Variants in UNC5D observed in about 807,000 individuals in gnomAD.
The protein encoded by UNC5D is unc-5 netrin receptor D.
UNC5D carries 39 observed loss-of-function variants against 105.4 expected under a neutral mutation model. The ratio of observed to expected loss-of-function variants is 0.37; its 90% confidence interval spans 0.29 to 0.48. The LOEUF (loss-of-function observed/expected upper bound fraction) is 0.48, where lower values mean the gene tolerates loss of function less well. Among genes scored for constraint, UNC5D ranks in the 20% least tolerant of loss-of-function variants. UNC5D has a pLI of 0.98. For synonymous variants in UNC5D, 452 were observed against 450.4 expected (o/e 1.00, Z -0.04); for missense variants, 991 against 1,202.4 (o/e 0.82, Z 2.60).
intron 2 of UNC5D, among the ~76,000 whole-genome samples, chr8:35,558,680 A>G (rs185723358): frequency 6.6e-6 from 1 of 152,102 alleles, no homozygotes; most frequent in Non-Finnish European, 1.5e-5. Context: ...ACTCTTGAAT[A>G]TAAGAGAATA....
At chr8:35,249,393 A>G (rs939876400) in intron 1 of UNC5D, among the ~76,000 whole-genome samples, 3 of 149,596 alleles carry the variant, frequency 2.0e-5, no homozygotes, top group African/African-American at 7.3e-5. Flanking sequence ...CCCCATCTCT[A>G]CTGAAAATAC....
intron 1 of UNC5D, among the ~76,000 whole-genome samples, chr8:35,289,041 T>C (rs1806835332): frequency 6.6e-6 from 1 of 152,072 alleles, no homozygotes; most frequent in South Asian, 2.1e-4. Flanking sequence ...TGTAAATTCT[T>C]CAATGAAATG....
chr8:35,494,572 A>G (rs760960378), intron 1 of UNC5D, among the ~76,000 whole-genome samples: 1 of 152,204 alleles, frequency 6.6e-6, no homozygotes, highest in Admixed American at 6.5e-5. Context: ...AATTACAAAT[A>G]GTGACCATGA....
At chr8:35,271,759 G>A (rs56114779) in intron 1 of UNC5D, among the ~76,000 whole-genome samples, 2 of 113,392 alleles carry the variant, frequency 1.8e-5, no homozygotes, top group South Asian at 2.7e-4. Context: ...ATGTATACAT[G>A]TATACATATA....
At chr8:35,672,398 C>G (rs1824870262) in intron 4 of UNC5D, among the ~76,000 whole-genome samples, 1 of 152,158 alleles carries the variant, frequency 6.6e-6, no homozygotes, top group Non-Finnish European at 1.5e-5. Flanking sequence ...TTAGAGAGGT[C>G]TGCCCAGCCA....
intron 11 of UNC5D, among the ~76,000 whole-genome samples, chr8:35,732,667 G>A (rs1829256106): frequency 6.6e-6 from 1 of 152,080 alleles, no homozygotes; most frequent in Non-Finnish European, 1.5e-5. Flanking sequence ...CAAGTATGAG[G>A]TATAATCCAG....
At chr8:35,785,743 C>A (rs538248785) in intron 16 of UNC5D, among the ~76,000 whole-genome samples, 13 of 152,252 alleles carry the variant, frequency 8.5e-5, no homozygotes, top group African/African-American at 2.9e-4. Flanking sequence ...AAAGAATAGA[C>A]TCAGAGGCAC....
chr8:35,242,807 A>G (rs1802880805), intron 1 of UNC5D, among the ~76,000 whole-genome samples: 1 of 152,202 alleles, frequency 6.6e-6, no homozygotes, highest in African/African-American at 2.4e-5. Context: ...TATTTACTCA[A>G]TATTGGAGAA....
chr8:35,336,054 C>T (rs1284120325), intron 1 of UNC5D, among the ~76,000 whole-genome samples: 4 of 151,976 alleles, frequency 2.6e-5, no homozygotes, highest in African/African-American at 9.7e-5. Flanking sequence ...TGAACCACCG[C>T]GCCCGGCCGA....
In UNC5D at chr8:35,484,404, A is replaced by T. The variant is rs72634929; in HGVS notation, c.104-64888A>T. 8.1e-3 allele frequency among the ~76,000 whole-genome samples: 1,226 copies of T among 152,224 alleles called. 7 individuals carry two copies. The highest frequency in any genetic ancestry group is 0.034 in the Middle Eastern group (10 of 294). The stretch of plus-strand genomic sequence containing the variant: ...GCTCACCCCACACCAATCTATCAGC[A>T]TGTCTTATTATCCTCTAATATATCC... On this transcript the variant is annotated intron_variant, in intron 1 of 16. Coordinates refer to ENST00000404895, the MANE Select transcript of UNC5D (RefSeq NM_080872.4).
intron 1 of UNC5D, among the ~76,000 whole-genome samples, chr8:35,533,358 C>T (rs12544954): frequency 0.13 from 19,083 of 151,536 alleles, 1,471 homozygotes; most frequent in East Asian, 0.26. Flanking sequence ...TTAGGCTGCT[C>T]GGGGGTCAGG....
chr8:35,777,212 T>C (rs1409489385), intron 16 of UNC5D, among the ~76,000 whole-genome samples: 3 of 152,026 alleles, frequency 2.0e-5, no homozygotes, highest in African/African-American at 7.2e-5. Flanking sequence ...CGAGATCGCA[T>C]CACTGCGCTC....
At chr8:35,711,283 G>A (rs1164642586) in intron 8 of UNC5D, among the ~76,000 whole-genome samples, 2 of 150,876 alleles carry the variant, frequency 1.3e-5, no homozygotes. Context: ...GGGTTCAAGC[G>A]ATTCTCCTGC....
intron 14 of UNC5D, among the ~76,000 whole-genome samples, chr8:35,765,655 T>C (rs1801731999): frequency 6.6e-6 from 1 of 152,154 alleles, no homozygotes; most frequent in Non-Finnish European, 1.5e-5. Flanking sequence ...AAGCAAGGTA[T>C]CCAAACAAGT....
At chr8:35,357,936 T>TG (rs1486616573) in intron 1 of UNC5D, among the ~76,000 whole-genome samples, 1 of 151,954 alleles carries the variant, frequency 6.6e-6, no homozygotes, top group African/African-American at 2.4e-5. Flanking sequence ...TTCTTGGTAG[T>TG]GAAAAAAAAG....
intron 9 of UNC5D, among the ~76,000 whole-genome samples, chr8:35,724,810 G>C (rs1266303129): frequency 6.6e-6 from 1 of 152,098 alleles, no homozygotes; most frequent in Non-Finnish European, 1.5e-5. Flanking sequence ...ATGGGTTTTG[G>C]TCCTGCTTCT....
At chr8:35,260,387 G>A (rs1804401067) in intron 1 of UNC5D, among the ~76,000 whole-genome samples, 1 of 152,174 alleles carries the variant, frequency 6.6e-6, no homozygotes, top group Admixed American at 6.5e-5. Flanking sequence ...GCTCAATTCC[G>A]AGGTGGATGG....
At chr8:35,731,761 C>T (rs865944012) in intron 11 of UNC5D, among the ~76,000 whole-genome samples, 4 of 152,126 alleles carry the variant, frequency 2.6e-5, no homozygotes, top group South Asian at 2.1e-4. Context: ...CAAATACATA[C>T]GATGATTGAT....
Position 35,793,003 on chromosome 8 carries a change from C to T in UNC5D, c.*2440C>T. 2.2e-6 allele frequency: 1 copy of T among 454,580 alleles called. No homozygotes were observed. Among genetic ancestry groups the T allele is most frequent in the Non-Finnish European group, 4.4e-6 (1 of 226,440 alleles). The allele number at this position is 454,580 out of a possible 1,614,324, so 28.2% of individuals were successfully genotyped here. A position where few individuals can be genotyped will look rare whatever the true frequency, so the allele number is the denominator to read the frequency against. ...CCTTTGGCCTGGGTTTTATAAACAACTTGAACATCATATCATATAGGATAA... is the reference window on the plus strand; with the variant it reads ...CCTTTGGCCTGGGTTTTATAAACAATTTGAACATCATATCATATAGGATAA... On this transcript the variant is annotated 3_prime_UTR_variant, in exon 17 of 17. Transcript: ENST00000404895.
Sources: gnomAD v4.1 joint callset for allele counts (sites outside exome capture counted in the v4.1 genomes callset) on GRCh38, gnomAD v4.1.1 for gene constraint, MANE v1.5 for transcripts, NCBI Gene and HGNC (gene_info 2026-07-23, HGNC 2026-07-21) for gene names.